Variants in ARHGAP39 observed in about 807,000 individuals in gnomAD.
ARHGAP39 encodes Rho GTPase activating protein 39, also known as rho GTPase-activating protein 39.
A neutral mutation model predicts 106.9 loss-of-function variants in ARHGAP39; 44 were observed. That is an observed-to-expected ratio of 0.41 (90% CI 0.32 to 0.53). The LOEUF (loss-of-function observed/expected upper bound fraction) is 0.53. Among genes scored for constraint, ARHGAP39 ranks in the 20% least tolerant of loss-of-function variants. The pLI, the probability that ARHGAP39 is intolerant of heterozygous loss-of-function variation, is 0.21. For missense variants in ARHGAP39, 1,496 were observed against 1,577.3 expected (o/e 0.95, Z 0.87); for synonymous variants, 768 against 693.2 (o/e 1.11, Z -1.69).
At chr8:144,556,405 T>C (rs577510500) in intron 3 of ARHGAP39, among the ~76,000 whole-genome samples, 1 of 152,264 alleles carries the variant, frequency 6.6e-6, no homozygotes, top group South Asian at 2.1e-4. Flanking sequence ...CCGACAGATA[T>C]TCCCAGGTAT....
chr8:144,555,041 C>T (rs1817863972), intron 4 of ARHGAP39, among the ~76,000 whole-genome samples: 1 of 152,222 alleles, frequency 6.6e-6, no homozygotes, highest in Non-Finnish European at 1.5e-5. Context: ...CAGGTGCCTG[C>T]CTCTGCCTGG....
chr8:144,597,091 G>A (rs1176406139), intron 2 of ARHGAP39, among the ~76,000 whole-genome samples: 1 of 152,210 alleles, frequency 6.6e-6, no homozygotes, highest in Non-Finnish European at 1.5e-5. Flanking sequence ...GTTAATCTGT[G>A]CCCAAGGAGA....
intron 1 of ARHGAP39, among the ~76,000 whole-genome samples, chr8:144,669,488 T>C (rs534408585): frequency 2.4e-4 from 24 of 97,972 alleles, no homozygotes; most frequent in Admixed American, 3.1e-4. Context: ...GCCTGGATGA[T>C]AGGGCGAGAC....
At chr8:144,601,128 G>A (rs1185932402) in intron 2 of ARHGAP39, among the ~76,000 whole-genome samples, 2 of 147,738 alleles carry the variant, frequency 1.4e-5, no homozygotes, top group African/African-American at 5.0e-5. Context: ...GTGTGTGCAT[G>A]GAGGCGTGCA....
chr8:144,564,969 G>T (rs577584220), intron 3 of ARHGAP39, among the ~76,000 whole-genome samples: 1 of 152,232 alleles, frequency 6.6e-6, no homozygotes, highest in African/African-American at 2.4e-5. Context: ...AATTAGCCAG[G>T]CGTGGAAGCA....
rs1816632717 is a variant in ARHGAP39, at chr8:144,530,432, C to T, written c.3335G>A (p.Gly1112Asp). 1.2e-6 allele frequency: 2 copies of T among 1,604,204 alleles called. No individual in the cohort carries two copies. Among genetic ancestry groups the T allele is most frequent in the Non-Finnish European group, 1.7e-6 (2 of 1,174,654 alleles). ...CCCCGGGCGCCCCCGCTACAGCACA[C>T]CCTCCATGAAGCTGGTGTCCAGGTG... is the stretch of plus-strand genomic sequence containing the variant. ...IQHLDTSFME[G>D]VL The change falls in exon 12 of 12, where the codon GGT becomes GAT. Residue 1112 changes from glycine (G) to aspartate (D), a missense_variant. Gly to Asp is a moderately conservative substitution (Grantham distance 94). Transcript: ENST00000377307.
At chr8:144,626,714 C>T (rs1193223787) in intron 1 of ARHGAP39, among the ~76,000 whole-genome samples, 1 of 152,244 alleles carries the variant, frequency 6.6e-6, no homozygotes, top group Non-Finnish European at 1.5e-5. Context: ...TGGACCCCCA[C>T]GGCCCGTCTC....
rs942431810 is a variant in ARHGAP39 at position 144,617,810 on chromosome 8, C to T, written c.-81-12115G>A. On this transcript the variant is annotated intron_variant, in intron 1 of 11. Transcript: ENST00000377307. ...TCCTCTGCCTTTTTTGAGGCAGGGTCTTGCTCTGTCGCCCAGGCTGAACTG... is the reference window on the plus strand; with the variant it reads ...TCCTCTGCCTTTTTTGAGGCAGGGTTTTGCTCTGTCGCCCAGGCTGAACTG... Among the ~76,000 whole-genome samples, 4 of 152,116 alleles carry T rather than the reference C, an allele frequency of 2.6e-5. No individual in the cohort carries two copies. In the South Asian group the frequency reaches 8.3e-4, roughly 31 times the overall value.
chr8:144,615,302 AAAGT>A (rs1302780471), intron 1 of ARHGAP39, among the ~76,000 whole-genome samples: 1 of 152,122 alleles, frequency 6.6e-6, no homozygotes, highest in Non-Finnish European at 1.5e-5. Flanking sequence ...CCTGGGCAAC[AAAGT>A]GAGACCCCCT....
chr8:144,596,476 AAAGTT>A (rs889241267), intron 2 of ARHGAP39, among the ~76,000 whole-genome samples: 3 of 152,230 alleles, frequency 2.0e-5, no homozygotes, highest in African/African-American at 7.2e-5. Context: ...AAGTGACTCA[AAAGTT>A]AAGCCCTTCC....
At position 144,533,251 on chromosome 8, in the gene ARHGAP39, G is replaced by A. The variant is rs150932665; in HGVS notation, c.2763C>T (p.Ser921=). 765 of 1,612,994 alleles carry A rather than the reference G, an allele frequency of 4.7e-4. 1 individual carries two copies. Among genetic ancestry groups the A allele is most frequent in the Non-Finnish European group, 5.9e-4 (691 of 1,179,974 alleles). Reference sequence around the variant, plus strand: ...GCATGCCCATGACCTCCTGCAGTGCGCTGCCGAACATGGACGGGCTGAACA... The same window carrying A: ...GCATGCCCATGACCTCCTGCAGTGCACTGCCGAACATGGACGGGCTGAACA... ...NAVFSPSMFG[S]ALQEVMGMQR... The change falls in exon 9 of 12, where the codon AGC becomes AGT. Residue 921 remains serine (S), a synonymous_variant. Coordinates refer to ENST00000377307, the MANE Select transcript of ARHGAP39 (RefSeq NM_025251.3).
chr8:144,601,090 G>A (rs1380161875), intron 2 of ARHGAP39, among the ~76,000 whole-genome samples: 14 of 147,972 alleles, frequency 9.5e-5, no homozygotes, highest in African/African-American at 2.3e-4. Context: ...GTGCATGTGC[G>A]TGGAGGTGTG....
At position 144,548,692 on chromosome 8, in the gene ARHGAP39, G is replaced by A. The variant is rs1035835868; in HGVS notation, c.597-203C>T. On this transcript the variant is annotated intron_variant, in intron 4 of 11. Transcript: ENST00000377307. The surrounding 1 kb of genome is among the most constrained non-coding windows in gnomAD (Gnocchi z 7.4). ...CCTCTGGGGCTCTCCTGGAGCTGCCGCCCACGACCAGGTGTCTGTCTGCTC... is the reference window on the plus strand; with the variant it reads ...CCTCTGGGGCTCTCCTGGAGCTGCCACCCACGACCAGGTGTCTGTCTGCTC... 4.6e-5 allele frequency among the ~76,000 whole-genome samples: 7 copies of A among 152,262 alleles called. No individual in the cohort carries two copies. In the East Asian group the frequency reaches 9.7e-4, roughly 21 times the overall value.
chr8:144,568,295 C>T (rs772031604), intron 3 of ARHGAP39, among the ~76,000 whole-genome samples: 100 of 128,036 alleles, frequency 7.8e-4, no homozygotes, highest in Non-Finnish European at 1.2e-3. Flanking sequence ...GATCACACCA[C>T]TGCACTCCAG....
Position 144,666,155 on chromosome 8 carries a change from G to A in ARHGAP39, c.-82+19531C>T, listed in dbSNP as rs115950041. Among the ~76,000 whole-genome samples the A allele has an allele frequency of 2.9e-3, 448 of 152,266 alleles. 5 individuals carry two copies. Among genetic ancestry groups the A allele is most frequent in the African/African-American group, 9.9e-3 (411 of 41,558 alleles). On this transcript the variant is annotated intron_variant, in intron 1 of 11. Transcript: ENST00000377307. ...TGGATTTTGAACTTGCAAGGGGCCT[G>A]TAACCCCTTTCTTTTGGCCAATTTC... is the stretch of plus-strand genomic sequence containing the variant.
chr8:144,579,608 C>T (rs953078487), intron 3 of ARHGAP39, among the ~76,000 whole-genome samples: 1 of 152,150 alleles, frequency 6.6e-6, no homozygotes, highest in African/African-American at 2.4e-5. Context: ...CCTGCCAGAC[C>T]GGGTCCACGG....
chr8:144,561,292 T>C (rs1393774517), intron 3 of ARHGAP39, among the ~76,000 whole-genome samples: 1 of 151,706 alleles, frequency 6.6e-6, no homozygotes, highest in African/African-American at 2.4e-5. Context: ...ACTCCAGTGG[T>C]TTCCATCACA....
At position 144,605,662 on chromosome 8, in the gene ARHGAP39, G is replaced by T; in HGVS notation, c.-48C>A. ...GTGGACAGACGTCAGGGCACCATAC[G>T]CACAACGCCAGCATCAGACGGGAAG... On this transcript the variant is annotated 5_prime_UTR_variant, in exon 2 of 12. An upstream open reading frame in the 5' UTR gains an earlier in-frame stop. Coordinates refer to ENST00000377307, the MANE Select transcript of ARHGAP39 (RefSeq NM_025251.3). The T allele has an allele frequency of 6.3e-7, 1 of 1,582,944 alleles. No homozygotes were observed. Among genetic ancestry groups the T allele is most frequent in the Non-Finnish European group, 8.6e-7 (1 of 1,156,724 alleles).
In ARHGAP39 at chr8:144,633,374, G is replaced by A. The variant is rs567667191; in HGVS notation, c.-81-27679C>T. Among the ~76,000 whole-genome samples, 18 of 151,706 alleles carry A rather than the reference G, an allele frequency of 1.2e-4. No individual in the cohort carries two copies. The South Asian group carries it at 3.3e-3, about 28-fold the overall frequency. On this transcript the variant is annotated intron_variant, in intron 1 of 11. Transcript: ENST00000377307. ...CTTGGGAGGCTGAGGCAGGAGAATC[G>A]CTTGAACCTGGGAGGCAGAGATTGC...
Sources: gnomAD v4.1 joint callset for allele counts (sites outside exome capture counted in the v4.1 genomes callset) on GRCh38, gnomAD v4.1.1 for gene constraint, Gnocchi (gnomAD v3.1) non-coding constraint, MANE v1.5 for transcripts, NCBI Gene and HGNC (gene_info 2026-07-23, HGNC 2026-07-21) for gene names.